LRRN1: variants seen among roughly 807,000 people sequenced by gnomAD.
LRRN1 encodes leucine-rich repeat neuronal protein 1.
Under a neutral mutation model 45.8 loss-of-function variants are expected in LRRN1, and 14 were observed. That is an observed-to-expected ratio of 0.31 (90% CI 0.20 to 0.48). The LOEUF (loss-of-function observed/expected upper bound fraction) is 0.48, where lower values mean the gene tolerates loss of function less well. Among genes scored for constraint, LRRN1 ranks in the 20% least tolerant of loss-of-function variants. The pLI is 0.99. For synonymous variants in LRRN1, 359 were observed against 330.1 expected, an observed-to-expected ratio of 1.09 and a Z score of -0.95; for missense variants, 789 against 874.2, an observed-to-expected ratio of 0.90 and a Z score of 1.23.
intron 1 of LRRN1, among the ~76,000 whole-genome samples, chr3:3,804,787 A>C (rs540293369): frequency 4.2e-5 from 2 of 47,942 alleles, no homozygotes; most frequent in Admixed American, 2.1e-4. Context: ...TACATTAACA[A>C]TGTACATGTG....
chr3:3,839,378 C>T (rs190869953), intron 1 of LRRN1, among the ~76,000 whole-genome samples: 1 of 152,224 alleles, frequency 6.6e-6, no homozygotes, highest in African/African-American at 2.4e-5. Flanking sequence ...AGTACCACAC[C>T]ATCTTGATTA....
At chr3:3,806,043 A>G (rs555758473) in intron 1 of LRRN1, among the ~76,000 whole-genome samples, 1 of 143,160 alleles carries the variant, frequency 7.0e-6, no homozygotes, top group African/African-American at 2.6e-5. Flanking sequence ...CTCTGAGGGG[A>G]CATTAGGCAA....
chr3:3,813,110 A>G (rs905283049), intron 1 of LRRN1, among the ~76,000 whole-genome samples: 1 of 152,194 alleles, frequency 6.6e-6, no homozygotes, highest in African/African-American at 2.4e-5. Flanking sequence ...TGCAAATGCT[A>G]TCATTCTCGT....
intron 1 of LRRN1, among the ~76,000 whole-genome samples, chr3:3,828,279 C>T (rs761354735): frequency 1.8e-4 from 28 of 151,986 alleles, no homozygotes; most frequent in South Asian, 1.2e-3. Flanking sequence ...GTCTGAGTCC[C>T]AAGACTGAAG....
At chr3:3,825,853 TGGA>T (rs1693204538) in intron 1 of LRRN1, among the ~76,000 whole-genome samples, 1 of 152,238 alleles carries the variant, frequency 6.6e-6, no homozygotes, top group Non-Finnish European at 1.5e-5. Context: ...TTTTCACGTA[TGGA>T]GTATTTGCCA....
At position 3,844,590 on chromosome 3, in the gene LRRN1, G is replaced by A. The variant is rs367806443; in HGVS notation, c.-52G>A. 62 of 1,395,826 alleles carry A rather than the reference G, an allele frequency of 4.4e-5. No individual in the cohort carries two copies. The highest frequency in any genetic ancestry group is 1.4e-4 in the African/African-American group (10 of 70,008). 86.5% of individuals were successfully genotyped at this position (1,395,826 alleles called of 1,614,324 possible). ...CTACATATCACAATATAGTGTTCAC[G>A]TTTTGTTAAAACTTTGGGGTGTCAG... On this transcript the variant is annotated 5_prime_UTR_variant, in exon 2 of 2. Transcript: ENST00000319331.
chr3:3,843,444 G>A (rs1426720191), intron 1 of LRRN1, among the ~76,000 whole-genome samples: 1 of 151,836 alleles, frequency 6.6e-6, no homozygotes, highest in Non-Finnish European at 1.5e-5. Flanking sequence ...TAAGTTAAAT[G>A]TAATATTTAA....
chr3:3,847,983 G>A lies in LRRN1; in HGVS notation c.*1191G>A, dbSNP rs571338427. Among the ~76,000 whole-genome samples the A allele has an allele frequency of 6.6e-6, 1 of 152,206 alleles. No individual in the cohort carries two copies. Among genetic ancestry groups the A allele is most frequent in the South Asian group, 2.1e-4 (1 of 4,816 alleles). Reference sequence around the variant, plus strand: ...TCCCAACCTGTCACACACAATGCGTGTGTATATATATATGAATATATTGGA... The same window carrying A: ...TCCCAACCTGTCACACACAATGCGTATGTATATATATATGAATATATTGGA... On this transcript the variant is annotated 3_prime_UTR_variant, in exon 2 of 2. Coordinates refer to ENST00000319331, the MANE Select transcript of LRRN1 (RefSeq NM_020873.7).
chr3:3,810,463 T>C (rs1692850366), intron 1 of LRRN1, among the ~76,000 whole-genome samples: 1 of 152,254 alleles, frequency 6.6e-6, no homozygotes, highest in Non-Finnish European at 1.5e-5. Flanking sequence ...CATCATCTTG[T>C]ATCTTGACCA....
chr3:3,813,390 C>T (rs1692921297), intron 1 of LRRN1, among the ~76,000 whole-genome samples: 1 of 152,154 alleles, frequency 6.6e-6, no homozygotes, highest in South Asian at 2.1e-4. Context: ...TTAGTTCCAT[C>T]TTTGTATTGA....
intron 1 of LRRN1, among the ~76,000 whole-genome samples, chr3:3,839,754 G>A (rs1484013387): frequency 6.6e-6 from 1 of 151,894 alleles, no homozygotes; most frequent in Admixed American, 6.6e-5. Context: ...TTGTAAATGG[G>A]GTTGTTTCCT....
At chr3:3,806,099 G>A (rs1692750507) in intron 1 of LRRN1, among the ~76,000 whole-genome samples, 1 of 152,128 alleles carries the variant, frequency 6.6e-6, no homozygotes, top group Non-Finnish European at 1.5e-5. Flanking sequence ...GTGAGGGTGG[G>A]ATGAGGGTGT....
At chr3:3,835,855 T>C (rs1296552365) in intron 1 of LRRN1, among the ~76,000 whole-genome samples, 1 of 151,672 alleles carries the variant, frequency 6.6e-6, no homozygotes, top group Non-Finnish European at 1.5e-5. Flanking sequence ...GTCCCAAACA[T>C]ATCGTGTTGG....
intron 1 of LRRN1, among the ~76,000 whole-genome samples, chr3:3,821,526 G>T (rs981397911): frequency 2.0e-5 from 3 of 152,020 alleles, no homozygotes; most frequent in African/African-American, 4.8e-5. Flanking sequence ...CTGTTTAAGG[G>T]CAGGGTCTGG....
intron 1 of LRRN1, among the ~76,000 whole-genome samples, chr3:3,803,411 G>A (rs1006563795): frequency 1.3e-5 from 2 of 152,132 alleles, no homozygotes; most frequent in African/African-American, 4.8e-5. Context: ...TACGAGACTT[G>A]CACAATGCTT....
Position 3,827,096 on chromosome 3 carries a change from C to T in LRRN1, c.-278-17268C>T, listed in dbSNP as rs772894908. The T allele has an allele frequency of 1.0e-4, 17 of 161,982 alleles. No individual in the cohort carries two copies. The South Asian group carries it at 1.4e-3, about 13-fold the overall frequency. The allele number at this position is 161,982 out of a possible 1,614,324, so 10.0% of individuals were successfully genotyped here. A position where few individuals can be genotyped will look rare whatever the true frequency, so the allele number is the denominator to read the frequency against. On this transcript the variant is annotated intron_variant, in intron 1 of 1. Coordinates refer to ENST00000319331, the MANE Select transcript of LRRN1 (RefSeq NM_020873.7). ...TAAATAATAGTAGCTAACATCTACT[C>T]GGGGCTTGCCATGTGCCAGGCCCTC... is the stretch of plus-strand genomic sequence containing the variant.
At position 3,846,444 on chromosome 3, in the gene LRRN1, T is replaced by G. The variant is rs1693780767; in HGVS notation, c.1803T>G (p.Ile601Met). The change falls in exon 2 of 2, where the codon ATT becomes ATG. Residue 601 changes from isoleucine (I) to methionine (M), a missense_variant. Ile to Met is a conservative substitution (Grantham distance 10). Coordinates refer to ENST00000319331, the MANE Select transcript of LRRN1 (RefSeq NM_020873.7). The surrounding 1 kb of genome is among the most constrained non-coding windows in gnomAD (Gnocchi z 5.7). ...DYEVCLTVSN[I>M]HQQTQKSCVN... ...AAGTGTGTCTCACAGTGTCCAATAT[T>G]CATCAGCAGACTCAAAAGTCATGCG... 1 of 1,614,112 alleles carries G rather than the reference T, an allele frequency of 6.2e-7. No individual in the cohort carries two copies. The highest frequency in any genetic ancestry group is 8.5e-7 in the Non-Finnish European group (1 of 1,180,032).
chr3:3,804,639 T>A (rs78474485), intron 1 of LRRN1, among the ~76,000 whole-genome samples: 1,945 of 152,322 alleles, frequency 0.013, 44 homozygotes, highest in African/African-American at 0.043. Flanking sequence ...CCGATTAATA[T>A]AAATGAGTTG....
chr3:3,846,442 A>G lies in LRRN1; in HGVS notation c.1801A>G (p.Ile601Val), dbSNP rs769972300. Reference protein sequence around the residue: ...DYEVCLTVSNIHQQTQKSCVN... With the variant: ...DYEVCLTVSNVHQQTQKSCVN... ...TGAAGTGTGTCTCACAGTGTCCAAT[A>G]TTCATCAGCAGACTCAAAAGTCATG... Residue 601 changes from isoleucine to valine, a missense_variant, in exon 2 of 2, where the codon ATT (isoleucine) becomes GTT (valine). Ile to Val is a conservative substitution (Grantham distance 29). Transcript: ENST00000319331. This position sits in a 1 kb window ranked among gnomAD's most constrained non-coding sequence, Gnocchi z 5.7. The G allele has an allele frequency of 4.3e-6, 7 of 1,614,150 alleles. No individual in the cohort carries two copies. The South Asian group carries it at 7.7e-5, about 18-fold the overall frequency.
Sources: allele counts gnomAD v4.1 joint callset (sites outside exome capture counted in the v4.1 genomes callset), GRCh38; gene constraint gnomAD v4.1.1; non-coding constraint Gnocchi (gnomAD v3.1); transcripts MANE v1.5; gene names NCBI Gene and HGNC (gene_info 2026-07-23, HGNC 2026-07-21).